The following ADCY10 variants were observed in gnomAD, a reference collection of about 807,000 sequenced individuals.
ADCY10 encodes the protein adenylate cyclase type 10.
Under a neutral mutation model 183.3 loss-of-function variants are expected in ADCY10, and 156 were observed. The ratio of observed to expected loss-of-function variants is 0.85; its 90% CI spans 0.75 to 0.97. ADCY10 has a LOEUF of 0.97. ADCY10 is among the 50% of genes least tolerant of loss of function. The probability of loss-of-function intolerance (pLI) is 0.00; values close to 1 mark genes in which losing one functional copy is unlikely to be tolerated. For synonymous variants in ADCY10, 645 were observed against 670.0 expected (o/e 0.96, Z 0.58); for missense variants, 1,745 against 1,934.3 (o/e 0.90, Z 1.84).
rs1470598722 is a variant in ADCY10, at chr1:167,893,942, C to A, written c.740-1G>T. ...AGCGTGCATGCAAGCCTCAGGAGGT[C>A]TAAGAAGGCAGAAGGAGGGTGCAGG... is the stretch of plus-strand genomic sequence containing the variant. On this transcript the variant is annotated splice_acceptor_variant, in intron 7 of 32. Coordinates refer to ENST00000367851, the MANE Select transcript of ADCY10 (RefSeq NM_018417.6). LOFTEE classifies it high-confidence loss of function. The A allele has an allele frequency of 6.2e-7, 1 of 1,612,276 alleles. No individual in the cohort carries two copies. Among genetic ancestry groups the A allele is most frequent in the Non-Finnish European group, 8.5e-7 (1 of 1,178,666 alleles).
chr1:167,824,807 A>C lies in ADCY10; in HGVS notation c.3799T>G (p.Tyr1267Asp). ...DYSLYHHLAG[Y>D]KGVWFKYEVM... ...TCATATTTGAACCACACACCTTTGT[A>C]GCCAGCCAGGTGGTGGTATAGCGAA... Residue 1267 changes from tyrosine (Y) to aspartate (D), a missense_variant, in exon 27 of 33, where the codon TAC becomes GAC. By Grantham distance (160) the Tyr-to-Asp change is radical. Coordinates refer to ENST00000367851, the MANE Select transcript of ADCY10 (RefSeq NM_018417.6). 1 of 1,614,266 alleles carries C rather than the reference A, an allele frequency of 6.2e-7. No homozygotes were observed. Among genetic ancestry groups the C allele is most frequent in the Non-Finnish European group, 8.5e-7 (1 of 1,180,046 alleles).
chr1:167,899,856 G>A (rs532727411), intron 5 of ADCY10, among the ~76,000 whole-genome samples: 14 of 152,300 alleles, frequency 9.2e-5, no homozygotes, highest in East Asian at 1.9e-4. Flanking sequence ...TTGCCTGTCT[G>A]TAACATTATC....
At chr1:167,873,661 A>G (rs191003943) in intron 13 of ADCY10, among the ~76,000 whole-genome samples, 4 of 152,294 alleles carry the variant, frequency 2.6e-5, no homozygotes, top group East Asian at 1.9e-4. Flanking sequence ...CTTTCTTACA[A>G]TAAGGTCCCT....
intron 8 of ADCY10, among the ~76,000 whole-genome samples, chr1:167,885,849 C>T (rs1410015804): frequency 2.6e-5 from 4 of 152,146 alleles, no homozygotes; most frequent in Non-Finnish European, 4.4e-5. Context: ...CTCCTGATCT[C>T]GTGACTTGCC....
intron 25 of ADCY10, 144 bp from the exon 26 acceptor site, chr1:167,829,567 AC>A: frequency 4.6e-6 from 4 of 863,714 alleles, no homozygotes; most frequent in Non-Finnish European, 7.5e-6. Context: ...TGACTGACAA[AC>A]AAGCACATTA....
chr1:167,836,292 G>A lies in ADCY10; in HGVS notation c.3309+17C>T, dbSNP rs766400489. The A allele has an allele frequency of 7.1e-6, 11 of 1,548,186 alleles. No individual in the cohort carries two copies. The highest frequency in any genetic ancestry group is 8.9e-6 in the Non-Finnish European group (10 of 1,120,844). ...ATTGTCTCTAGGGTGGAGGTGGTCT[G>A]GGTAGAAACAGCTTACCATGTAGTT... On this transcript the variant is annotated intron_variant, in intron 23 of 32. Transcript: ENST00000367851.
At position 167,845,944 on chromosome 1, in the gene ADCY10, G is replaced by A. The variant is rs188019959; in HGVS notation, c.2716+41C>T. On this transcript the variant is annotated intron_variant, in intron 20 of 32. Transcript: ENST00000367851. ...ATAGGTCAATTCTTTGATCTAGATG[G>A]GTCCTTAAGAGGAAATTGGGTCACT... 747 of 1,614,010 alleles carry A rather than the reference G, an allele frequency of 4.6e-4. 11 individuals are homozygous for A. The East Asian group carries it at 0.013, about 27-fold the overall frequency.
chr1:167,878,323 G>T, intron 12 of ADCY10, 123 bp downstream of exon 12: 1 of 1,092,188 alleles, frequency 9.2e-7, no homozygotes, highest in Non-Finnish European at 1.4e-6. Context: ...GCCTTGGTCT[G>T]GGGAAAGCAT....
At chr1:167,828,977 AAAT>A (rs1272767175) in intron 26 of ADCY10, among the ~76,000 whole-genome samples, 3 of 151,988 alleles carry the variant, frequency 2.0e-5, no homozygotes, top group African/African-American at 7.2e-5. Flanking sequence ...AAACCAGCAA[AAAT>A]AATAATAATA....
chr1:167,901,934 A>G lies in ADCY10; in HGVS notation c.292+82T>C, dbSNP rs1398575081. The G allele has an allele frequency of 3.7e-6, 6 of 1,605,862 alleles. No individual in the cohort carries two copies. In the East Asian group the frequency reaches 1.3e-4, roughly 36 times the overall value. ...TCTCCTGGCCACTCCCTTCTCTAGG[A>G]TGCCTCCTTTGTCCCCAACACAGAA... is the stretch of plus-strand genomic sequence containing the variant. On this transcript the variant is annotated intron_variant, in intron 4 of 32. Transcript: ENST00000367851.
intron 26 of ADCY10, among the ~76,000 whole-genome samples, chr1:167,828,192 T>C (rs1663456239): frequency 6.6e-6 from 1 of 152,242 alleles, no homozygotes; most frequent in Non-Finnish European, 1.5e-5. Context: ...GATTTGTTTT[T>C]CATAGAAATG....
intron 7 of ADCY10, among the ~76,000 whole-genome samples, chr1:167,894,369 A>G (rs1668812217): frequency 6.6e-6 from 1 of 152,156 alleles, no homozygotes; most frequent in Non-Finnish European, 1.5e-5. Context: ...CTCAGGCTTG[A>G]TACCGCTTCA....
chr1:167,904,048 G>C, intron 2 of ADCY10, 57 bp from the exon 3 acceptor site: 2 of 991,868 alleles, frequency 2.0e-6, no homozygotes. Flanking sequence ...AACAGAGCCA[G>C]AAGAGGACTA....
chr1:167,856,552 C>T (rs1665914759), intron 16 of ADCY10, 113 bp from the exon 17 acceptor site: 9 of 1,018,654 alleles, frequency 8.8e-6, no homozygotes, highest in East Asian at 2.4e-5. Flanking sequence ...TATGATGCAG[C>T]GAAAGAACTA....
chr1:167,912,031 G>T (rs1670176767), intron 1 of ADCY10, among the ~76,000 whole-genome samples: 1 of 152,166 alleles, frequency 6.6e-6, no homozygotes, highest in Non-Finnish European at 1.5e-5. Context: ...AAAGACAATA[G>T]AAATTTTCTA....
At chr1:167,830,940 TC>T (rs1368859744) in intron 25 of ADCY10, among the ~76,000 whole-genome samples, 1 of 152,168 alleles carries the variant, frequency 6.6e-6, no homozygotes, top group African/African-American at 2.4e-5. Flanking sequence ...CCTCCCAACT[TC>T]CTGCCTTTGC....
At chr1:167,848,119 G>A (rs1665180604) in intron 19 of ADCY10, among the ~76,000 whole-genome samples, 1 of 151,712 alleles carries the variant, frequency 6.6e-6, no homozygotes, top group Non-Finnish European at 1.5e-5. Flanking sequence ...CCAGGCTGGA[G>A]TGCAGTGGCT....
intron 18 of ADCY10, among the ~76,000 whole-genome samples, chr1:167,851,787 C>T (rs1037388506): frequency 6.6e-6 from 1 of 150,434 alleles, no homozygotes; most frequent in Non-Finnish European, 1.5e-5. Context: ...CGTGCCACTG[C>T]ACTCCAGCCT....
intron 18 of ADCY10, among the ~76,000 whole-genome samples, chr1:167,852,827 G>C (rs1483415857): frequency 2.0e-5 from 3 of 151,722 alleles, no homozygotes; most frequent in Non-Finnish European, 4.4e-5. Context: ...ACAACCATCT[G>C]TCTCATTTCT....
Sources: allele counts gnomAD v4.1 joint callset (sites outside exome capture counted in the v4.1 genomes callset), GRCh38; gene constraint gnomAD v4.1.1; transcripts MANE v1.5; gene names NCBI Gene and HGNC (gene_info 2026-07-23, HGNC 2026-07-21).